The following TENM4 variants were observed in gnomAD, a reference collection of about 807,000 sequenced individuals.
The protein encoded by TENM4 is teneurin-4.
In TENM4, 82 loss-of-function variants were observed where a neutral mutation model predicts 243.3. That is an observed-to-expected ratio of 0.34 (90% confidence interval 0.28 to 0.40). The LOEUF (loss-of-function observed/expected upper bound fraction) is 0.40. Among genes scored for constraint, TENM4 ranks in the 10% least tolerant of loss-of-function variants. The probability of loss-of-function intolerance (pLI) is 1.00; values close to 1 mark genes in which losing one functional copy is unlikely to be tolerated. For missense variants in TENM4, 3,138 were observed against 3,673.3 expected, an observed-to-expected ratio of 0.85 and a Z score of 3.77; for synonymous variants, 1,412 against 1,456.3, an observed-to-expected ratio of 0.97 and a Z score of 0.69.
rs554003650 is a variant in TENM4, at chr11:78,800,278, G to T, written c.2179+5014C>A. On this transcript the variant is annotated intron_variant, in intron 15 of 33. Coordinates refer to ENST00000278550, the MANE Select transcript of TENM4 (RefSeq NM_001098816.3). ...AGTGTACCCACTTTATGCAAAAGTT[G>T]ATGAGGCATTCAGCCCAGCAGGCCT... Among the ~76,000 whole-genome samples the T allele has an allele frequency of 8.5e-5, 13 of 152,332 alleles. No homozygotes were observed. The South Asian group carries it at 2.7e-3, about 32-fold the overall frequency.
At chr11:79,308,928 T>C (rs1590868914) in intron 1 of TENM4, among the ~76,000 whole-genome samples, 1 of 152,152 alleles carries the variant, frequency 6.6e-6, no homozygotes, top group African/African-American at 2.4e-5. Flanking sequence ...CAGTGCTCTG[T>C]ACTTGGGTAT....
At chr11:78,662,805 A>G (rs1321489220) in intron 32 of TENM4, among the ~76,000 whole-genome samples, 2 of 152,226 alleles carry the variant, frequency 1.3e-5, no homozygotes, top group African/African-American at 4.8e-5. Flanking sequence ...TAACATTGAT[A>G]CAAGGAAAAA....
In TENM4 at chr11:79,438,098, T is replaced by C. The variant is rs78776702; in HGVS notation, c.-321+2411A>G. 2.4e-3 allele frequency among the ~76,000 whole-genome samples: 360 copies of C among 152,092 alleles called. 1 individual carries two copies. Among genetic ancestry groups the C allele is most frequent in the African/African-American group, 8.2e-3 (339 of 41,484 alleles). On this transcript the variant is annotated intron_variant, in intron 1 of 33. Coordinates refer to ENST00000278550, the MANE Select transcript of TENM4 (RefSeq NM_001098816.3). The surrounding 1 kb of genome is among the most constrained non-coding windows in gnomAD (Gnocchi z 4.1). ...GAGGGGACGAGAGGTTTCAGGACGC[T>C]GGAATGTGGCAAAAACAAAACACTC...
At chr11:78,779,998 G>A (rs991668861) in intron 16 of TENM4, among the ~76,000 whole-genome samples, 2 of 152,166 alleles carry the variant, frequency 1.3e-5, no homozygotes, top group African/African-American at 4.8e-5. Flanking sequence ...GATGAAATAT[G>A]CTTCTGGAGC....
At chr11:79,301,571 G>A (rs1856549352) in intron 1 of TENM4, among the ~76,000 whole-genome samples, 3 of 152,154 alleles carry the variant, frequency 2.0e-5, no homozygotes, top group African/African-American at 7.2e-5. Flanking sequence ...AGCACTGTTT[G>A]GCATGGTTGG....
At chr11:78,786,394 C>T (rs562648699) in intron 16 of TENM4, among the ~76,000 whole-genome samples, 1 of 152,372 alleles carries the variant, frequency 6.6e-6, no homozygotes, top group Admixed American at 6.5e-5. Flanking sequence ...GGGCTCAGAG[C>T]TAAGCCCCAG....
chr11:78,941,087 G>T (rs1373553307), intron 6 of TENM4, among the ~76,000 whole-genome samples: 4 of 152,222 alleles, frequency 2.6e-5, no homozygotes, highest in Admixed American at 1.3e-4. Flanking sequence ...GAGCCTTAAA[G>T]CTCTTCCAGG....
chr11:79,216,796 A>G (rs1220510757), intron 2 of TENM4, among the ~76,000 whole-genome samples: 2 of 152,158 alleles, frequency 1.3e-5, no homozygotes, highest in African/African-American at 2.4e-5. Flanking sequence ...AGCTAAATAA[A>G]TTTCTTTTCT....
intron 6 of TENM4, among the ~76,000 whole-genome samples, chr11:78,919,489 G>A (rs1043828001): frequency 1.3e-5 from 2 of 152,102 alleles, no homozygotes; most frequent in African/African-American, 4.8e-5. Context: ...CTTTGGTCAG[G>A]CCAATCAGAG....
chr11:79,063,163 A>T (rs1860144168), intron 6 of TENM4, among the ~76,000 whole-genome samples: 1 of 152,122 alleles, frequency 6.6e-6, no homozygotes. Context: ...CTGGACCCTA[A>T]GGGGATACAT....
At chr11:78,739,432 C>T (rs1487920422) in intron 19 of TENM4, among the ~76,000 whole-genome samples, 5 of 152,116 alleles carry the variant, frequency 3.3e-5, no homozygotes, top group African/African-American at 1.2e-4. Flanking sequence ...AAACCTGATG[C>T]AGACACCTTG....
intron 4 of TENM4, among the ~76,000 whole-genome samples, chr11:79,095,070 T>C (rs975650728): frequency 2.0e-5 from 3 of 152,138 alleles, no homozygotes; most frequent in African/African-American, 7.2e-5. Context: ...CTGGGCATTT[T>C]TGGCTCTGCC....
chr11:78,970,912 G>A (rs1194131456), intron 6 of TENM4, among the ~76,000 whole-genome samples: 3 of 151,918 alleles, frequency 2.0e-5, no homozygotes, highest in Non-Finnish European at 2.9e-5. Context: ...CATTAACAAC[G>A]GTTATCACTG....
chr11:78,930,032 A>C (rs1031289564), intron 6 of TENM4, among the ~76,000 whole-genome samples: 1 of 152,092 alleles, frequency 6.6e-6, no homozygotes, highest in African/African-American at 2.4e-5. Context: ...CTTTACAGAG[A>C]GGATGGGCTT....
intron 9 of TENM4, among the ~76,000 whole-genome samples, chr11:78,871,783 C>T (rs558625808): frequency 2.0e-5 from 3 of 152,282 alleles, no homozygotes; most frequent in Middle Eastern, 3.4e-3. Context: ...TCAAGCAGCC[C>T]TCCCTTTAGG....
rs1433272406 is a variant in TENM4 at position 79,144,963 on chromosome 11, G to C, written c.-66+3747C>G. Among the ~76,000 whole-genome samples, 3 of 151,900 alleles carry C rather than the reference G, an allele frequency of 2.0e-5. No individual in the cohort carries two copies. In the East Asian group the frequency reaches 5.8e-4, roughly 29 times the overall value. ...TTTATAACACAAATAAATGATAAAT[G>C]CTTGAGGTGATGGATACCCCATTTA... On this transcript the variant is annotated intron_variant, in intron 4 of 33. Transcript: ENST00000278550.
chr11:79,294,408 C>T (rs775498412), intron 2 of TENM4, among the ~76,000 whole-genome samples: 4 of 152,132 alleles, frequency 2.6e-5, no homozygotes, highest in Non-Finnish European at 1.5e-5. Flanking sequence ...AGATGTAGCC[C>T]CTCTGGGACA....
intron 4 of TENM4, among the ~76,000 whole-genome samples, chr11:79,080,990 T>C (rs1860654967): frequency 6.6e-6 from 1 of 151,804 alleles, no homozygotes. Flanking sequence ...TGTAATTACC[T>C]GGGTGCCCTA....
intron 2 of TENM4, among the ~76,000 whole-genome samples, chr11:79,228,747 A>T (rs1181820601): frequency 6.6e-6 from 1 of 152,178 alleles, no homozygotes; most frequent in Non-Finnish European, 1.5e-5. Flanking sequence ...ATTTTAAACC[A>T]GTTAGAGATT....
Sources: gnomAD v4.1 joint callset for allele counts (sites outside exome capture counted in the v4.1 genomes callset) on GRCh38, gnomAD v4.1.1 for gene constraint, Gnocchi (gnomAD v3.1) non-coding constraint, MANE v1.5 for transcripts, NCBI Gene and HGNC (gene_info 2026-07-23, HGNC 2026-07-21) for gene names.